UHRF1: variants seen among roughly 807,000 people sequenced by gnomAD.
UHRF1 encodes E3 ubiquitin-protein ligase UHRF1.
UHRF1 carries 9 observed loss-of-function variants against 96.5 expected under a neutral mutation model. That is an observed-to-expected ratio of 0.09 (90% CI 0.06 to 0.16). UHRF1 has a LOEUF of 0.16. UHRF1 is among the 10% of genes least tolerant of loss of function. The pLI is 1.00. For missense variants in UHRF1, 626 were observed against 1,131.1 expected, an observed-to-expected ratio of 0.55 and a Z score of 6.40; for synonymous variants, 455 against 469.9, an observed-to-expected ratio of 0.97 and a Z score of 0.41.
chr19:4,931,169 C>T (rs2033039912), intron 4 of UHRF1, among the ~76,000 whole-genome samples: 1 of 152,190 alleles, frequency 6.6e-6, no homozygotes, highest in South Asian at 2.1e-4. Context: ...GTCATCTCTC[C>T]CTCATCCCCA....
rs528562518 is a variant in UHRF1, at chr19:4,930,047, T to C, written c.408+571T>C. On this transcript the variant is annotated intron_variant, in intron 3 of 16. Coordinates refer to ENST00000650932, the MANE Select transcript of UHRF1 (RefSeq NM_001048201.3). The surrounding 1 kb of genome is among the most constrained non-coding windows in gnomAD (Gnocchi z 4.4). ...TGGAGTACAGTGGTGCCATCTCGGC[T>C]CATTGCAACCTCCAACTCCTGGGTT... Among the ~76,000 whole-genome samples, 1 of 152,262 alleles carries C rather than the reference T, an allele frequency of 6.6e-6. No individual in the cohort carries two copies. The highest frequency in any genetic ancestry group is 2.1e-4 in the South Asian group (1 of 4,824).
chr19:4,932,655 G>A (rs1234411829), intron 4 of UHRF1, 86 bp from the exon 5 acceptor site: 1 of 1,459,524 alleles, frequency 6.9e-7, no homozygotes, highest in African/African-American at 1.4e-5. Context: ...ACTGTCGGGA[G>A]GGGCCGTCCC....
chr19:4,952,395 T>C (rs1480179312), intron 13 of UHRF1, among the ~76,000 whole-genome samples: 1 of 90,634 alleles, frequency 1.1e-5, no homozygotes, highest in Non-Finnish European at 2.0e-5. Context: ...CTCCCAGCCT[T>C]TTTTTTTTTT....
chr19:4,947,488 A>ATGTTTTT (rs1568427975), intron 11 of UHRF1, among the ~76,000 whole-genome samples: 1 of 70,372 alleles, frequency 1.4e-5, no homozygotes, highest in Non-Finnish European at 2.8e-5. Context: ...GATAATAGAT[A>ATGTTTTT]TCTTTTTTTT....
intron 9 of UHRF1, among the ~76,000 whole-genome samples, chr19:4,945,183 G>A (rs2033525808): frequency 6.6e-6 from 1 of 152,228 alleles, no homozygotes; most frequent in African/African-American, 2.4e-5. Context: ...TTTGTGGAGT[G>A]AGTGGCAGGC....
chr19:4,941,080 G>GTTTTTTTTTTTTT lies in UHRF1; in HGVS notation c.786-444_786-443insTTTTTTTTTTTTT, dbSNP rs1171655897. Among the ~76,000 whole-genome samples the GTTTTTTTTTTTTT allele has an allele frequency of 1.9e-4, 22 of 112,842 alleles. 2 individuals carry two copies. The highest frequency in any genetic ancestry group is 6.0e-4 in the African/African-American group (16 of 26,660). 74.0% of individuals were successfully genotyped at this position (112,842 alleles called of 152,430 possible). The stretch of plus-strand genomic sequence containing the variant: ...CCTGCAATGAAACTCTGGTTTCTGT[G>GTTTTTTTTTTTTT]TTTTGTTTTTTTTTTTTTTTTTTTT... On this transcript the variant is annotated intron_variant, in intron 5 of 16. Coordinates refer to ENST00000650932, the MANE Select transcript of UHRF1 (RefSeq NM_001048201.3).
intron 4 of UHRF1, 89 bp from the exon 5 acceptor site, chr19:4,932,652 G>C: frequency 7.0e-7 from 1 of 1,437,000 alleles, no homozygotes; most frequent in Non-Finnish European, 9.7e-7. Context: ...CACACTGTCG[G>C]GAGGGGCCGT....
chr19:4,921,182 A>G (rs1219382032), intron 2 of UHRF1, among the ~76,000 whole-genome samples: 3 of 145,584 alleles, frequency 2.1e-5, no homozygotes, highest in Non-Finnish European at 3.0e-5. Context: ...GCTCAGCCCT[A>G]TAATTCCAGC....
intron 16 of UHRF1, among the ~76,000 whole-genome samples, chr19:4,959,734 G>C (rs577366193): frequency 6.6e-6 from 1 of 152,246 alleles, no homozygotes; most frequent in South Asian, 2.1e-4. Context: ...ACAAGGTCTT[G>C]CTTTGTCGCT....
chr19:4,917,044 C>T (rs1487038807), intron 2 of UHRF1, among the ~76,000 whole-genome samples: 4 of 125,748 alleles, frequency 3.2e-5, no homozygotes, highest in African/African-American at 6.4e-5. Flanking sequence ...GAATGTGGCA[C>T]GAGGGGTAGG....
intron 9 of UHRF1, among the ~76,000 whole-genome samples, chr19:4,944,927 C>T (rs2033517759): frequency 1.3e-5 from 2 of 152,340 alleles, no homozygotes; most frequent in South Asian, 4.1e-4. Flanking sequence ...AGCAGCATCT[C>T]TGGCCCCCAC....
intron 7 of UHRF1, 41 bp from the exon 8 acceptor site, chr19:4,944,091 T>C: frequency 6.2e-7 from 1 of 1,609,480 alleles, no homozygotes. Flanking sequence ...CTGAGACATC[T>C]GCCAGGCTAG....
At chr19:4,922,487 G>A (rs749023573) in intron 2 of UHRF1, among the ~76,000 whole-genome samples, 9 of 151,574 alleles carry the variant, frequency 5.9e-5, no homozygotes, top group South Asian at 2.1e-4. Flanking sequence ...GGCTGGTCTC[G>A]AACTCCTGAC....
intron 11 of UHRF1, among the ~76,000 whole-genome samples, chr19:4,948,962 G>A (rs262550): frequency 0.41 from 30,545 of 74,088 alleles, 3,812 homozygotes; most frequent in African/African-American, 0.51. Flanking sequence ...TCTCTACTAA[G>A]AATACAAAAA....
chr19:4,917,526 C>T (rs1280276009), intron 2 of UHRF1, among the ~76,000 whole-genome samples: 4 of 151,430 alleles, frequency 2.6e-5, no homozygotes, highest in Non-Finnish European at 4.4e-5. Flanking sequence ...TGGTGGTGCA[C>T]GTCTGTAGTC....
intron 5 of UHRF1, among the ~76,000 whole-genome samples, chr19:4,939,754 G>T (rs1203050540): frequency 6.6e-6 from 1 of 152,212 alleles, no homozygotes; most frequent in African/African-American, 2.4e-5. Context: ...GCCAGGCGCA[G>T]TGGCTCATGC....
chr19:4,954,517 G>A lies in UHRF1; in HGVS notation c.1957+29G>A, dbSNP rs774476365. Reference sequence around the variant, plus strand: ...AGAATCTCGTGGGTGTGGGGTGAGCGTCTTGTGTGTGGGGGAGCAGGTGGG... The same window carrying A: ...AGAATCTCGTGGGTGTGGGGTGAGCATCTTGTGTGTGGGGGAGCAGGTGGG... On this transcript the variant is annotated intron_variant, in intron 14 of 16. Transcript: ENST00000650932. The surrounding 1 kb of genome is among the most constrained non-coding windows in gnomAD (Gnocchi z 5.9). The A allele has an allele frequency of 9.4e-6, 15 of 1,594,792 alleles. No individual in the cohort carries two copies. Among genetic ancestry groups the A allele is most frequent in the African/African-American group, 9.4e-5 (7 of 74,542 alleles).
intron 10 of UHRF1, 23 bp downstream of exon 10, chr19:4,945,988 TG>T: frequency 2.4e-6 from 1 of 424,882 alleles, no homozygotes; most frequent in Non-Finnish European, 4.3e-6. Context: ...GTGGGAGGGG[TG>T]GGGGAGGGTT....
At chr19:4,956,654 C>A in intron 15 of UHRF1, 55 bp from the exon 16 acceptor site, 1 of 1,134,754 alleles carries the variant, frequency 8.8e-7, no homozygotes, top group Non-Finnish European at 1.3e-6. Context: ...AGCCACTGAT[C>A]TGTGGGAGCC....
Sources: gnomAD v4.1 joint callset for allele counts (sites outside exome capture counted in the v4.1 genomes callset) on GRCh38, gnomAD v4.1.1 for gene constraint, Gnocchi (gnomAD v3.1) non-coding constraint, MANE v1.5 for transcripts, NCBI Gene and HGNC (gene_info 2026-07-23, HGNC 2026-07-21) for gene names.